Variants in PPP1R37 observed in about 807,000 individuals in gnomAD.
PPP1R37 encodes leucine rich repeat containing 68.
PPP1R37 carries 21 observed loss-of-function variants against 61.0 expected under a neutral mutation model. The ratio of observed to expected loss-of-function variants is 0.34; its 90% CI spans 0.24 to 0.50. The LOEUF is 0.50. PPP1R37 is among the 20% of genes least tolerant of loss of function. The pLI, the probability that PPP1R37 is intolerant of heterozygous loss-of-function variation, is 0.98. For synonymous variants in PPP1R37, 443 were observed against 433.5 expected, an observed-to-expected ratio of 1.02 and a Z score of -0.27; for missense variants, 910 against 952.7, an observed-to-expected ratio of 0.96 and a Z score of 0.59.
At chr19:45,134,762 G>A (rs1051774630) in intron 1 of PPP1R37, among the ~76,000 whole-genome samples, 6 of 152,028 alleles carry the variant, frequency 3.9e-5, no homozygotes, top group South Asian at 2.1e-4. Context: ...TTTCTACGGC[G>A]CTTCTGTAAG....
chr19:45,103,755 AGC>A (rs1968093731), intron 1 of PPP1R37, among the ~76,000 whole-genome samples: 1 of 152,106 alleles, frequency 6.6e-6, no homozygotes, highest in Non-Finnish European at 1.5e-5. Context: ...CCATTTATGG[AGC>A]GCTTAACAGG....
At chr19:45,137,108 C>A (rs1474635542) in intron 1 of PPP1R37, 2 of 152,058 alleles carry the variant, frequency 1.3e-5, no homozygotes, top group African/African-American at 4.8e-5. Flanking sequence ...ATTGTGGCAT[C>A]TCCATGCCCA....
intron 8 of PPP1R37, 60 bp from the exon 9 acceptor site, chr19:45,144,794 C>G: frequency 7.1e-7 from 1 of 1,405,492 alleles, no homozygotes; most frequent in Non-Finnish European, 9.5e-7. Flanking sequence ...CCTGACTTGG[C>G]CTCCTGGGTC....
intron 6 of PPP1R37, 22 bp downstream of exon 6, chr19:45,142,233 G>C: frequency 6.5e-7 from 1 of 1,533,176 alleles, no homozygotes; most frequent in Non-Finnish European, 8.7e-7. Context: ...GCCCGGGAGG[G>C]TGAGCAGGAT....
intron 1 of PPP1R37, among the ~76,000 whole-genome samples, chr19:45,104,197 TCCGC>T (rs1325296789): frequency 6.6e-6 from 1 of 152,188 alleles, no homozygotes; most frequent in African/African-American, 2.4e-5. Context: ...AAAGCTCTGC[TCCGC>T]TCGTCTGGGT....
At chr19:45,143,807 C>T (rs772251979) in intron 8 of PPP1R37, 174 bp downstream of exon 8, 110 of 519,934 alleles carry the variant, frequency 2.1e-4, no homozygotes, top group Non-Finnish European at 3.4e-4. Context: ...GCCTGTTTTC[C>T]CTGAGGAGGA....
At chr19:45,106,898 G>A (rs907559799) in intron 1 of PPP1R37, among the ~76,000 whole-genome samples, 19 of 126,832 alleles carry the variant, frequency 1.5e-4, no homozygotes, top group East Asian at 2.6e-4. Flanking sequence ...CTCACTGCAC[G>A]CTCCGCCTCC....
chr19:45,112,541 G>A (rs1174406836), intron 1 of PPP1R37, among the ~76,000 whole-genome samples: 1 of 152,202 alleles, frequency 6.6e-6, no homozygotes, highest in African/African-American at 2.4e-5. Flanking sequence ...GCAGCTGTGT[G>A]CCTAGTGTAG....
chr19:45,101,325 G>A (rs1968059871), intron 1 of PPP1R37, among the ~76,000 whole-genome samples: 1 of 152,206 alleles, frequency 6.6e-6, no homozygotes, highest in South Asian at 2.1e-4. Context: ...CTTAGTTGAG[G>A]TAGAGGCAGG....
At chr19:45,122,461 T>A (rs762898743) in intron 1 of PPP1R37, among the ~76,000 whole-genome samples, 7 of 152,184 alleles carry the variant, frequency 4.6e-5, no homozygotes, top group Non-Finnish European at 4.4e-5. Context: ...TGGGGATATT[T>A]CAGTGAACAA....
intron 1 of PPP1R37, 141 bp downstream of exon 1, chr19:45,093,668 T>A: frequency 1.7e-6 from 1 of 575,404 alleles, no homozygotes; most frequent in Non-Finnish European, 2.9e-6. Flanking sequence ...TTTAGAACCG[T>A]AGTCTGTTAG....
At position 45,124,220 on chromosome 19, in the gene PPP1R37, G is replaced by T. The variant is rs547730128; in HGVS notation, c.203-14294G>T. Among the ~76,000 whole-genome samples the T allele has an allele frequency of 5.3e-5, 8 of 152,284 alleles. No individual in the cohort carries two copies. The South Asian group carries it at 1.7e-3, about 32-fold the overall frequency. On this transcript the variant is annotated intron_variant, in intron 1 of 12. Coordinates refer to ENST00000221462, the MANE Select transcript of PPP1R37 (RefSeq NM_019121.2). ...CGTGGGGATCAGGGAGGGCTTCCTGGAGAAGGCATCCCTAAGCTGAGAATT... is the reference window on the plus strand; with the variant it reads ...CGTGGGGATCAGGGAGGGCTTCCTGTAGAAGGCATCCCTAAGCTGAGAATT...
Position 45,142,115 on chromosome 19 carries a change from G to T in PPP1R37, c.622G>T (p.Ala208Ser). Reference sequence around the variant, plus strand: ...CAACACGCCCCTGCTGGACCACTCGGCGCCCTTCGTGGCCCGTGCCCTGCG... The same window carrying T: ...CAACACGCCCCTGCTGGACCACTCGTCGCCCTTCGTGGCCCGTGCCCTGCG... Reference protein sequence around the residue: ...ARNTPLLDHSAPFVARALRIR... With the variant: ...ARNTPLLDHSSPFVARALRIR... Residue 208 changes from alanine (A) to serine (S), a missense_variant, in exon 6 of 13, where the codon GCG (alanine) becomes TCG (serine). Physicochemically the swap from Ala to Ser is moderately conservative, Grantham distance 99. Around this residue, in one of 3 missense-constraint regions of PPP1R37, gnomAD observed 280 missense variants for 382.2 expected, o/e 0.73. Transcript: ENST00000221462. The T allele has an allele frequency of 6.5e-7, 1 of 1,534,464 alleles. No homozygotes were observed. Among genetic ancestry groups the T allele is most frequent in the East Asian group, 2.4e-5 (1 of 40,880 alleles).
chr19:45,110,879 T>C (rs1350850372), intron 1 of PPP1R37, among the ~76,000 whole-genome samples: 2 of 152,210 alleles, frequency 1.3e-5, no homozygotes, highest in African/African-American at 2.4e-5. Context: ...GATGGCCATC[T>C]GGTACCCATG....
intron 1 of PPP1R37, among the ~76,000 whole-genome samples, chr19:45,120,982 G>A (rs1157355675): frequency 6.6e-6 from 1 of 152,202 alleles, no homozygotes; most frequent in Non-Finnish European, 1.5e-5. Context: ...CCTTGGTCAG[G>A]TCCTTTCTCA....
intron 1 of PPP1R37, among the ~76,000 whole-genome samples, chr19:45,111,428 C>G (rs1305872490): frequency 6.6e-6 from 1 of 152,122 alleles, no homozygotes; most frequent in Admixed American, 6.5e-5. Flanking sequence ...GTGCGCACCA[C>G]CACACCCAGC....
At chr19:45,142,735 C>T (rs1008430052) in intron 7 of PPP1R37, 3 of 478,912 alleles carry the variant, frequency 6.3e-6, no homozygotes, top group African/African-American at 2.0e-5. Context: ...CAGGATGAGG[C>T]GAAGTGAATA....
intron 1 of PPP1R37, among the ~76,000 whole-genome samples, chr19:45,109,589 T>G (rs1405004304): frequency 6.6e-6 from 1 of 152,162 alleles, no homozygotes; most frequent in African/African-American, 2.4e-5. Context: ...TTGGGGTCAT[T>G]GGTCACTTGC....
At chr19:45,103,896 C>T (rs1436582731) in intron 1 of PPP1R37, among the ~76,000 whole-genome samples, 1 of 152,124 alleles carries the variant, frequency 6.6e-6, no homozygotes, top group African/African-American at 2.4e-5. Flanking sequence ...GATCCTCTGT[C>T]CTGTTTCAGA....
Sources: allele counts gnomAD v4.1 joint callset (sites outside exome capture counted in the v4.1 genomes callset), GRCh38; gene constraint gnomAD v4.1.1; regional missense constraint gnomAD v4.1.1; transcripts MANE v1.5; gene names NCBI Gene and HGNC (gene_info 2026-07-23, HGNC 2026-07-21).